Variants in TASP1 observed in about 807,000 individuals in gnomAD.
TASP1 encodes taspase 1, also known as threonine aspartase 1.
Under a neutral mutation model 56.6 loss-of-function variants are expected in TASP1, and 16 were observed. The ratio of observed to expected loss-of-function variants is 0.28; its 90% CI spans 0.19 to 0.43. The LOEUF (loss-of-function observed/expected upper bound fraction) is 0.43. TASP1 is among the 20% of genes least tolerant of loss of function. The probability of loss-of-function intolerance (pLI) is 1.00; values close to 1 mark genes in which losing one functional copy is unlikely to be tolerated. For synonymous variants in TASP1, 179 were observed against 184.2 expected, an observed-to-expected ratio of 0.97 and a Z score of 0.23; for missense variants, 393 against 511.6, an observed-to-expected ratio of 0.77 and a Z score of 2.24.
the TASP1 span, chr20:13,298,990 A>G: frequency 6.2e-7 from 1 of 1,613,628 alleles, no homozygotes; most frequent in Non-Finnish European, 8.5e-7. Flanking sequence ...GAGTTCTTAA[A>G]GAAGTACATG....
chr20:13,218,773 T>G, the TASP1 span, among the ~76,000 whole-genome samples: 1 of 152,220 alleles, frequency 6.6e-6, no homozygotes, highest in African/African-American at 2.4e-5. Flanking sequence ...GCAACTGGAA[T>G]CAGAGCGTGG....
the TASP1 span, among the ~76,000 whole-genome samples, chr20:13,114,008 G>A: frequency 2.2e-4 from 33 of 152,278 alleles, no homozygotes; most frequent in South Asian, 6.6e-3. Flanking sequence ...TAGATTACTT[G>A]CCCCAGGACA....
At chr20:13,323,085 C>T in the TASP1 span, among the ~76,000 whole-genome samples, 1 of 151,942 alleles carries the variant, frequency 6.6e-6, no homozygotes, top group Admixed American at 6.6e-5. Flanking sequence ...TGTGTCACAG[C>T]GTCTCGGAGG....
At chr20:13,310,391 G>A in the TASP1 span, among the ~76,000 whole-genome samples, 90 of 152,192 alleles carry the variant, frequency 5.9e-4, no homozygotes, top group African/African-American at 2.0e-3. Context: ...AATGAAATTG[G>A]ACTCTTATCT....
the TASP1 span, among the ~76,000 whole-genome samples, chr20:13,289,946 A>G: frequency 3.3e-4 from 50 of 152,312 alleles, 1 homozygote; most frequent in East Asian, 8.5e-3. Context: ...TTTCTACCTT[A>G]GACACTCAGT....
At chr20:13,236,419 G>C in the TASP1 span, among the ~76,000 whole-genome samples, 4 of 152,160 alleles carry the variant, frequency 2.6e-5, no homozygotes, top group African/African-American at 9.7e-5. Context: ...AATTCTGGGA[G>C]AAACAATTCG....
intron 13 of TASP1, among the ~76,000 whole-genome samples, chr20:13,412,226 A>G (rs2042116123): frequency 6.6e-6 from 1 of 152,196 alleles, no homozygotes; most frequent in African/African-American, 2.4e-5. Flanking sequence ...CTGTCACACC[A>G]GCTCACACAC....
At chr20:13,492,933 T>C (rs1292805664) in intron 10 of TASP1, among the ~76,000 whole-genome samples, 1 of 152,098 alleles carries the variant, frequency 6.6e-6, no homozygotes, top group Non-Finnish European at 1.5e-5. Context: ...TAAACACAGA[T>C]ATCTAGAGCA....
intron 10 of TASP1, among the ~76,000 whole-genome samples, chr20:13,517,376 G>C: frequency 6.6e-6 from 1 of 152,068 alleles, no homozygotes; most frequent in East Asian, 1.9e-4. Flanking sequence ...ATGATGCATG[G>C]AAAGATATCC....
At chr20:13,120,897 C>T in the TASP1 span, among the ~76,000 whole-genome samples, 2 of 152,116 alleles carry the variant, frequency 1.3e-5, no homozygotes, top group African/African-American at 2.4e-5. Context: ...GGTTTGGAGC[C>T]GCTATAGATG....
chr20:13,367,447 C>T, the TASP1 span, among the ~76,000 whole-genome samples: 1 of 152,250 alleles, frequency 6.6e-6, no homozygotes, highest in African/African-American at 2.4e-5. Flanking sequence ...AATGATATTC[C>T]ACAAGACTGG....
chr20:13,150,724 A>G, the TASP1 span, among the ~76,000 whole-genome samples: 1 of 152,000 alleles, frequency 6.6e-6, no homozygotes, highest in Non-Finnish European at 1.5e-5. Context: ...TAGACAATCC[A>G]TTCATCTTTC....
chr20:13,187,556 T>C, the TASP1 span, among the ~76,000 whole-genome samples: 1 of 151,808 alleles, frequency 6.6e-6, no homozygotes, highest in Admixed American at 6.6e-5. Context: ...AAGACCATCC[T>C]GGCCAATATG....
At chr20:13,475,848 A>C (rs2044707654) in intron 11 of TASP1, among the ~76,000 whole-genome samples, 1 of 151,936 alleles carries the variant, frequency 6.6e-6, no homozygotes, top group South Asian at 2.1e-4. Context: ...GTGTGCTGAG[A>C]TCATGCCATT....
At chr20:13,603,123 C>G (rs1235123676) in intron 4 of TASP1, among the ~76,000 whole-genome samples, 1 of 152,048 alleles carries the variant, frequency 6.6e-6, no homozygotes, top group Non-Finnish European at 1.5e-5. Flanking sequence ...CTCAGCTACT[C>G]TGGAGACTGA....
chr20:13,348,005 C>T, the TASP1 span, among the ~76,000 whole-genome samples: 125 of 152,176 alleles, frequency 8.2e-4, 2 homozygotes, highest in East Asian at 0.016. Flanking sequence ...GAGATATTTG[C>T]GCCCCCAGGA....
chr20:13,147,653 T>C, the TASP1 span, among the ~76,000 whole-genome samples: 1 of 152,202 alleles, frequency 6.6e-6, no homozygotes, highest in Admixed American at 6.5e-5. Flanking sequence ...GGGTTAATTT[T>C]TCAGAAATAT....
At chr20:13,184,448 G>A in the TASP1 span, among the ~76,000 whole-genome samples, 2 of 152,036 alleles carry the variant, frequency 1.3e-5, no homozygotes, top group Non-Finnish European at 2.9e-5. Context: ...ACTATTCTAA[G>A]CCCTTCAGGT....
chr20:13,233,875 A>T, the TASP1 span, among the ~76,000 whole-genome samples: 582 of 152,340 alleles, frequency 3.8e-3, 5 homozygotes, highest in Middle Eastern at 0.017. Flanking sequence ...AATGCGATCT[A>T]CAGACCACCA....
Sources: gnomAD v4.1 joint callset for allele counts (sites outside exome capture counted in the v4.1 genomes callset) on GRCh38, gnomAD v4.1.1 for gene constraint, MANE v1.5 for transcripts, NCBI Gene and HGNC (gene_info 2026-07-23, HGNC 2026-07-21) for gene names.